LDB3: variants seen among roughly 807,000 people sequenced by gnomAD.
LDB3 encodes LIM domain binding 3, also known as LIM domain-binding protein 3.
In LDB3, 49 loss-of-function variants were observed where a neutral mutation model predicts 69.0. The ratio of observed to expected loss-of-function variants is 0.71; its 90% CI spans 0.56 to 0.90. The LOEUF (loss-of-function observed/expected upper bound fraction) is 0.90. LDB3 is among the 40% of genes least tolerant of loss of function. The pLI is 0.00. For missense variants in LDB3, 928 were observed against 974.1 expected (o/e 0.95, Z 0.63); for synonymous variants, 387 against 396.2 (o/e 0.98, Z 0.28).
chr10:86,691,864 G>T (rs762144760), intron 5 of LDB3, 32 bp from the exon 6 acceptor site: 15 of 1,613,648 alleles, frequency 9.3e-6, no homozygotes, highest in Non-Finnish European at 1.3e-5. Flanking sequence ...CTCCAGCCTA[G>T]CCCTCGCCCA....
chr10:86,732,934 C>T lies in LDB3; in HGVS notation c.2142C>T (p.Asp714=), dbSNP rs1054918785. 1.9e-6 allele frequency: 3 copies of T among 1,613,992 alleles called. No individual in the cohort carries two copies. In the African/African-American group the frequency reaches 4.0e-5, roughly 22 times the overall value. ...GGCAGCCGTTCTACTCCAAGAAGGA[C>T]AGACCCCTGTGCAAGAAGCACGCAC... ...LEGQPFYSKK[D]RPLCKKHAHT... Residue 714 remains aspartate, a synonymous_variant, in exon 14 of 14, where the codon GAC becomes GAT. Transcript: ENST00000361373.
chr10:86,681,789 C>T lies in LDB3; in HGVS notation c.675C>T (p.Val225=), dbSNP rs749425278. 9.4e-6 allele frequency: 15 copies of T among 1,596,022 alleles called. No homozygotes were observed. Among genetic ancestry groups the T allele is most frequent in the East Asian group, 9.0e-5 (4 of 44,646 alleles). ...GCCTCCGAGGGAAGGCCTCGGGTGT[C>T]GGACTCCCAGGAGGGTAGGTAACGG... ...QMSLRGKASG[V]GLPGGSLPIK... is the part of the protein sequence containing the mutation. The change falls in exon 5 of 14, where the codon GTC becomes GTT. Residue 225 remains valine, a synonymous_variant. Coordinates refer to ENST00000361373, the MANE Select transcript of LDB3 (RefSeq NM_007078.3).
In LDB3 at chr10:86,710,080, C is replaced by G. The variant is rs11597201; in HGVS notation, c.1231+30C>G. 57,692 of 1,608,826 alleles carry G rather than the reference C, an allele frequency of 0.036. 1,286 individuals are homozygous for G. Among genetic ancestry groups the G allele is most frequent in the African/African-American group, 0.1 (7,797 of 74,974 alleles). On this transcript the variant is annotated intron_variant, in intron 9 of 13. Coordinates refer to ENST00000361373, the MANE Select transcript of LDB3 (RefSeq NM_007078.3). ...GAGGCAGAGCAGGAGGGGAGGCTGT[C>G]GAAAGCCATGGGCGGGCTCCAGGAG...
rs748648756 is a variant in LDB3, at chr10:86,680,178, C to T, written c.321+21C>T. On this transcript the variant is annotated intron_variant, in intron 4 of 13. Transcript: ENST00000361373. ...AGAAGGTAGGTGCTGACTGTGGCGGCGGGGTCCACTCAGCCCTGGTTCCTG... is the reference window on the plus strand; with the variant it reads ...AGAAGGTAGGTGCTGACTGTGGCGGTGGGGTCCACTCAGCCCTGGTTCCTG... 60 of 1,608,270 alleles carry T rather than the reference C, an allele frequency of 3.7e-5. No homozygotes were observed. In the Middle Eastern group the frequency reaches 1.2e-3, roughly 31 times the overall value.
At chr10:86,701,306 T>G (rs1846255330) in intron 7 of LDB3, among the ~76,000 whole-genome samples, 1 of 152,212 alleles carries the variant, frequency 6.6e-6, no homozygotes, top group African/African-American at 2.4e-5. Context: ...ATGGGTATCC[T>G]GAGGCTGGCA....
At chr10:86,708,439 C>T (rs1394232216) in intron 8 of LDB3, among the ~76,000 whole-genome samples, 1 of 152,222 alleles carries the variant, frequency 6.6e-6, no homozygotes, top group Non-Finnish European at 1.5e-5. Flanking sequence ...AGCCTCTGCT[C>T]CCTTTCCCAG....
chr10:86,694,644 C>T lies in LDB3; in HGVS notation c.896+2073C>T, dbSNP rs542784389. The stretch of plus-strand genomic sequence containing the variant: ...AGTTATCCTCGTGGGCAGAGCCACC[C>T]ATGTCACTGAATCCCAAGCAGTGAT... On this transcript the variant is annotated intron_variant, in intron 7 of 13. Coordinates refer to ENST00000361373, the MANE Select transcript of LDB3 (RefSeq NM_007078.3). Among the ~76,000 whole-genome samples, 4 of 152,326 alleles carry T rather than the reference C, an allele frequency of 2.6e-5. No homozygotes were observed. In the South Asian group the frequency reaches 8.3e-4, roughly 32 times the overall value.
chr10:86,676,513 C>T (rs1844797191), intron 2 of LDB3, among the ~76,000 whole-genome samples: 1 of 142,958 alleles, frequency 7.0e-6, no homozygotes, highest in South Asian at 2.2e-4. Flanking sequence ...TGCAGTGAGC[C>T]GAGATGATGC....
At chr10:86,671,540 G>A (rs887875463) in intron 2 of LDB3, among the ~76,000 whole-genome samples, 7 of 152,040 alleles carry the variant, frequency 4.6e-5, no homozygotes, top group African/African-American at 1.7e-4. Context: ...CTGGACAGGT[G>A]TGGCTGGGCC....
chr10:86,667,804 G>C (rs1844238401), upstream of LDB3, among the ~76,000 whole-genome samples: 1 of 152,350 alleles, frequency 6.6e-6, no homozygotes, highest in East Asian at 1.9e-4. Context: ...TGCAGGCAGA[G>C]GGCCAGCTGC....
In LDB3 at chr10:86,668,561, GACAGA is replaced by G; in HGVS notation, c.-28_-24del. ...CACGCAGCCCGGCTGGGCAGCAAGG[GACAGA>G]ACAGGCAAGGCTGGGGGTCAGGGGC... On this transcript the variant is annotated 5_prime_UTR_variant, in exon 1 of 14. Transcript: ENST00000361373. 1 of 780,902 alleles carries G rather than the reference GACAGA, an allele frequency of 1.3e-6. No homozygotes were observed. Among genetic ancestry groups the G allele is most frequent in the Non-Finnish European group, 2.3e-6 (1 of 438,494 alleles). 48.4% of individuals were successfully genotyped at this position (780,902 alleles called of 1,614,324 possible).
At chr10:86,709,494 T>C (rs972662903) in intron 8 of LDB3, among the ~76,000 whole-genome samples, 2 of 151,972 alleles carry the variant, frequency 1.3e-5, no homozygotes, top group African/African-American at 4.8e-5. Flanking sequence ...CCAGCAACAA[T>C]AGAAAAGGGT....
At chr10:86,720,805 C>A (rs1233883979) in intron 12 of LDB3, among the ~76,000 whole-genome samples, 1 of 152,188 alleles carries the variant, frequency 6.6e-6, no homozygotes, top group Admixed American at 6.5e-5. Flanking sequence ...AAAAGATTCT[C>A]AAAAATGATG....
rs748921017 is a variant in LDB3, at chr10:86,718,759, C to T, written c.1890C>T (p.His630=). The part of the protein sequence containing the change: ...EVMHALRQTW[H]TTCFVCAACK... ...TGCATGCCTTGAGACAGACATGGCACACCACCTGCTTCGTCTGTGCGGCCT... is the reference window on the plus strand; with the variant it reads ...TGCATGCCTTGAGACAGACATGGCATACCACCTGCTTCGTCTGTGCGGCCT... Residue 630 remains histidine (H), a synonymous_variant, in exon 12 of 14, where the codon CAC becomes CAT. Transcript: ENST00000361373. 3.7e-6 allele frequency: 6 copies of T among 1,614,048 alleles called. No homozygotes were observed. In the Admixed American group the frequency reaches 5.0e-5, roughly 13 times the overall value.
intron 2 of LDB3, among the ~76,000 whole-genome samples, chr10:86,672,706 C>T (rs758910176): frequency 6.6e-6 from 1 of 152,212 alleles, no homozygotes; most frequent in Non-Finnish European, 1.5e-5. Context: ...AGAGGTCCCC[C>T]AGGCCAGGTC....
chr10:86,704,521 G>A (rs1246804558), intron 7 of LDB3, among the ~76,000 whole-genome samples: 3 of 151,540 alleles, frequency 2.0e-5, no homozygotes, highest in Non-Finnish European at 2.9e-5. Flanking sequence ...CCGGGTTCAA[G>A]GGTTCAGCCC....
In LDB3 at chr10:86,681,686, A is replaced by C; in HGVS notation, c.572A>C (p.Gln191Pro). The C allele has an allele frequency of 6.2e-7, 1 of 1,613,606 alleles. No homozygotes were observed. Residue 191 changes from glutamine (Q) to proline (P), a missense_variant, in exon 5 of 14, where the codon CAG becomes CCG. By Grantham distance (76) the Gln-to-Pro change is moderately conservative (BLOSUM62 -1). Coordinates refer to ENST00000361373, the MANE Select transcript of LDB3 (RefSeq NM_007078.3). ...CCAAAAGCCCTGCCGGGCTCGAGCC[A>C]GCCGAGGCAATATAACAACCCCATT... The part of the protein sequence containing the change: ...LGPKALPGSS[Q>P]PRQYNNPIGL...
chr10:86,675,611 G>A (rs2132345847), intron 2 of LDB3, among the ~76,000 whole-genome samples: 1 of 152,358 alleles, frequency 6.6e-6, no homozygotes. Flanking sequence ...AGCCCCATGG[G>A]CAGTTCACTA....
At position 86,692,562 on chromosome 10, in the gene LDB3, G is replaced by A. The variant is rs201689564; in HGVS notation, c.887G>A (p.Arg296Gln). 1.5e-5 allele frequency: 25 copies of A among 1,614,104 alleles called. No homozygotes were observed. The highest frequency in any genetic ancestry group is 1.3e-4 in the African/African-American group (10 of 74,946). ...CAAGACCCTGATGAAGAAGCTCTGCGAAGGTCAAGGTAAGTGCCTGGACTC... is the reference window on the plus strand; with the variant it reads ...CAAGACCCTGATGAAGAAGCTCTGCAAAGGTCAAGGTAAGTGCCTGGACTC... ...FMQDPDEEALRRSSTPIEHAP... is the reference protein window; with the variant it reads ...FMQDPDEEALQRSSTPIEHAP... The change falls in exon 7 of 14, where the codon CGA (arginine) becomes CAA (glutamine). Residue 296 changes from arginine to glutamine, a missense_variant. Arg to Gln is a conservative substitution (Grantham distance 43, BLOSUM62 1). Transcript: ENST00000361373.
Sources: allele counts gnomAD v4.1 joint callset (sites outside exome capture counted in the v4.1 genomes callset), GRCh38; gene constraint gnomAD v4.1.1; transcripts MANE v1.5; gene names NCBI Gene and HGNC (gene_info 2026-07-23, HGNC 2026-07-21).